ASPRV1: variants seen among roughly 807,000 people sequenced by gnomAD.
The protein encoded by ASPRV1 is aspartic peptidase retroviral like 1.
A neutral mutation model predicts 11.0 loss-of-function variants in ASPRV1; 7 were observed. The observed-to-expected ratio is 0.64, with a 90% CI of 0.36 to 1.20. The LOEUF (loss-of-function observed/expected upper bound fraction) is 1.20, where lower values mean the gene tolerates loss of function less well. ASPRV1 is among the 50% of genes most tolerant of loss of function. ASPRV1 has a pLI of 0.02. For synonymous variants in ASPRV1, 136 were observed against 138.4 expected, an observed-to-expected ratio of 0.98 and a Z score of 0.12; for missense variants, 299 against 320.0, an observed-to-expected ratio of 0.93 and a Z score of 0.50.
At chr2:70,063,703 G>A in the ASPRV1 span, among the ~76,000 whole-genome samples, 1 of 151,182 alleles carries the variant, frequency 6.6e-6, no homozygotes, top group South Asian at 2.1e-4. Context: ...TTAAAGTAAA[G>A]AGCCCATAAA....
chr2:69,954,283 A>G, the ASPRV1 span, among the ~76,000 whole-genome samples: 1 of 152,160 alleles, frequency 6.6e-6, no homozygotes, highest in African/African-American at 2.4e-5. Context: ...GTGTCTGAAT[A>G]CAGTCCCAGA....
the ASPRV1 span, chr2:70,019,146 A>G: frequency 6.6e-6 from 1 of 152,246 alleles, no homozygotes. Flanking sequence ...ACAAATGGCC[A>G]ACAGGAATCT....
At chr2:70,021,696 C>T in the ASPRV1 span, among the ~76,000 whole-genome samples, 7 of 150,716 alleles carry the variant, frequency 4.6e-5, no homozygotes, top group South Asian at 2.1e-4. Flanking sequence ...CTTTAAAATA[C>T]GTTAAGAGAA....
the ASPRV1 span, among the ~76,000 whole-genome samples, chr2:70,035,448 C>CT: frequency 6.6e-6 from 1 of 152,048 alleles, no homozygotes; most frequent in Non-Finnish European, 1.5e-5. Flanking sequence ...TGTGGGAAGA[C>CT]TGTTTCACAC....
chr2:70,072,148 C>T, the ASPRV1 span, among the ~76,000 whole-genome samples: 67 of 151,844 alleles, frequency 4.4e-4, no homozygotes, highest in Non-Finnish European at 9.1e-4. Flanking sequence ...GATGGGGTTT[C>T]GCCACATTGG....
the ASPRV1 span, among the ~76,000 whole-genome samples, chr2:69,981,069 T>C: frequency 2.0e-5 from 3 of 152,210 alleles, no homozygotes; most frequent in Non-Finnish European, 4.4e-5. Context: ...AGCCACTGCA[T>C]CTGGCCTAAA....
the ASPRV1 span, among the ~76,000 whole-genome samples, chr2:70,003,565 A>G: frequency 6.6e-6 from 1 of 152,210 alleles, no homozygotes; most frequent in Non-Finnish European, 1.5e-5. Context: ...TTTAGAAGCC[A>G]AAGAAGTGGC....
At chr2:70,042,127 G>A in the ASPRV1 span, among the ~76,000 whole-genome samples, 17 of 152,064 alleles carry the variant, frequency 1.1e-4, no homozygotes, top group South Asian at 2.7e-3. Context: ...AGTTAAATAC[G>A]TTTGAAAAAT....
the ASPRV1 span, among the ~76,000 whole-genome samples, chr2:70,058,585 T>C: frequency 1.3e-5 from 2 of 149,054 alleles, no homozygotes; most frequent in African/African-American, 5.0e-5. Context: ...AAAGTCTCGC[T>C]CTTGTACCCC....
At chr2:69,950,271 C>G in the ASPRV1 span, among the ~76,000 whole-genome samples, 10 of 152,208 alleles carry the variant, frequency 6.6e-5, no homozygotes, top group Non-Finnish European at 1.5e-4. Context: ...CCCTTTTTAG[C>G]CCTGAAGGAC....
At chr2:69,984,335 A>C in the ASPRV1 span, among the ~76,000 whole-genome samples, 1 of 152,154 alleles carries the variant, frequency 6.6e-6, no homozygotes, top group South Asian at 2.1e-4. Flanking sequence ...CACCGCACCC[A>C]GCCAGAAGTT....
the ASPRV1 span, among the ~76,000 whole-genome samples, chr2:70,041,539 T>C: frequency 6.6e-6 from 1 of 152,004 alleles, no homozygotes; most frequent in Non-Finnish European, 1.5e-5. Context: ...AAGGAGAAAA[T>C]TTATGTCATA....
At chr2:69,952,931 T>C in the ASPRV1 span, among the ~76,000 whole-genome samples, 7 of 152,322 alleles carry the variant, frequency 4.6e-5, no homozygotes, top group South Asian at 2.1e-4. Context: ...TCTTACTAGC[T>C]GGCTTAGCCC....
the ASPRV1 span, chr2:70,086,048 T>C: frequency 6.6e-6 from 1 of 152,188 alleles, no homozygotes; most frequent in Non-Finnish European, 1.5e-5. Context: ...TTAAATATTG[T>C]GCCCACATTT....
chr2:70,083,895 CA>C, the ASPRV1 span, among the ~76,000 whole-genome samples: 22 of 152,176 alleles, frequency 1.4e-4, no homozygotes, highest in Non-Finnish European at 4.4e-5. Context: ...CAGAGCTAGA[CA>C]GGGGCAGAGC....
chr2:70,022,366 C>CTT, the ASPRV1 span, among the ~76,000 whole-genome samples: 1 of 94,156 alleles, frequency 1.1e-5, no homozygotes, highest in African/African-American at 1.1e-4. Context: ...CACACTTACA[C>CTT]ACACACACAC....
the ASPRV1 span, among the ~76,000 whole-genome samples, chr2:70,067,922 C>T: frequency 6.6e-6 from 1 of 152,180 alleles, no homozygotes; most frequent in Non-Finnish European, 1.5e-5. Context: ...GGAGGAGAAG[C>T]TTACAAAGGT....
chr2:69,938,971 G>A, the ASPRV1 span: 2 of 152,540 alleles, frequency 1.3e-5, no homozygotes, highest in East Asian at 3.8e-4. Flanking sequence ...CAAACAAAAC[G>A]GTACAATCTA....
chr2:70,032,867 G>A, the ASPRV1 span, among the ~76,000 whole-genome samples: 1 of 152,110 alleles, frequency 6.6e-6, no homozygotes, highest in African/African-American at 2.4e-5. Flanking sequence ...AAAGTCCTTT[G>A]TTGGGAAGTT....
Sources: allele counts gnomAD v4.1 joint callset (sites outside exome capture counted in the v4.1 genomes callset), GRCh38; gene constraint gnomAD v4.1.1; transcripts MANE v1.5; gene names NCBI Gene and HGNC (gene_info 2026-07-23, HGNC 2026-07-21).